Variants in DNAH8 observed in about 807,000 individuals in gnomAD.
DNAH8 encodes axonemal beta dynein heavy chain 8.
In DNAH8, 382 loss-of-function variants were observed where a neutral mutation model predicts 562.1. The ratio of observed to expected loss-of-function variants is 0.68; its 90% CI spans 0.63 to 0.74. DNAH8 has a LOEUF of 0.74. Among genes scored for constraint, DNAH8 ranks in the 30% least tolerant of loss-of-function variants. DNAH8 has a pLI of 0.00. For synonymous variants in DNAH8, 1,881 were observed against 1,919.4 expected (o/e 0.98, Z 0.52); for missense variants, 5,203 against 5,620.4 (o/e 0.93, Z 2.37).
chr6:38,882,959 T>C lies in DNAH8; in HGVS notation c.7908T>C (p.Thr2636=). The C allele has an allele frequency of 6.2e-7, 1 of 1,606,062 alleles. No individual in the cohort carries two copies. The highest frequency in any genetic ancestry group is 8.5e-7 in the Non-Finnish European group (1 of 1,177,258). The change falls in exon 54 of 93, where the codon ACT becomes ACC. Residue 2636 remains threonine (T), a synonymous_variant. Coordinates refer to ENST00000327475, the MANE Select transcript of DNAH8 (RefSeq NM_001206927.2). ...AACTTCAGCCTTATTATTATCCAAC[T>C]GACAGTATTCCGGAATATTCATCAA... The part of the protein sequence containing the change: ...NKKLQPYYYP[T]DSIPEYSSIL...
chr6:38,756,381 T>C (rs1171868828), intron 10 of DNAH8, among the ~76,000 whole-genome samples: 1 of 152,196 alleles, frequency 6.6e-6, no homozygotes, highest in Non-Finnish European at 1.5e-5. Flanking sequence ...GTGTCTACTA[T>C]TAACAGTGCT....
intron 69 of DNAH8, among the ~76,000 whole-genome samples, chr6:38,917,623 G>A (rs1290828181): frequency 6.6e-6 from 1 of 152,168 alleles, no homozygotes; most frequent in East Asian, 1.9e-4. Context: ...GGCTAGTATT[G>A]GCACAGCCTT....
intron 7 of DNAH8, 129 bp from the exon 8 acceptor site, chr6:38,741,582 T>C: frequency 2.8e-6 from 2 of 714,016 alleles, no homozygotes; most frequent in Non-Finnish European, 4.4e-6. Context: ...CTTCATTTAC[T>C]GAGAGTTTTT....
intron 59 of DNAH8, among the ~76,000 whole-genome samples, chr6:38,895,757 G>T (rs769592258): frequency 3.9e-5 from 6 of 152,196 alleles, no homozygotes; most frequent in Non-Finnish European, 2.9e-5. Context: ...GAGGACGCTC[G>T]TCCACTACCG....
chr6:38,940,153 A>C (rs1365849152), intron 79 of DNAH8, among the ~76,000 whole-genome samples: 1 of 152,192 alleles, frequency 6.6e-6, no homozygotes, highest in East Asian at 1.9e-4. Flanking sequence ...ACGTGTAAGG[A>C]TCAAAGAAAA....
At chr6:38,983,775 CTTG>C (rs1764186056) in intron 86 of DNAH8, among the ~76,000 whole-genome samples, 1 of 152,078 alleles carries the variant, frequency 6.6e-6, no homozygotes, top group South Asian at 2.1e-4. Flanking sequence ...AAATAATTTT[CTTG>C]TTGTTCTCGT....
chr6:38,807,794 A>T (rs1383216870), intron 24 of DNAH8, 78 bp downstream of exon 24: 6 of 666,288 alleles, frequency 9.0e-6, no homozygotes, highest in African/African-American at 3.8e-5. Flanking sequence ...TTTATTAATT[A>T]AAAAAACTAT....
rs534222145 is a variant in DNAH8 at position 39,030,198 on chromosome 6, A to C, written c.13930A>C (p.Thr4644Pro). The C allele has an allele frequency of 8.1e-6, 13 of 1,614,144 alleles. No homozygotes were observed. In the Middle Eastern group the frequency reaches 4.9e-4, roughly 61 times the overall value. The change falls in exon 93 of 93, where the codon ACG becomes CCG. Residue 4644 changes from threonine (T) to proline (P), a missense_variant. Coordinates refer to ENST00000327475, the MANE Select transcript of DNAH8 (RefSeq NM_001206927.2). ...LMESTPKVLF[T>P]QLPVLHIFAI... ...GGAATCCACCCCCAAGGTACTCTTC[A>C]CGCAGTTACCCGTGCTCCACATCTT...
At position 38,737,833 on chromosome 6, in the gene DNAH8, C is replaced by T; in HGVS notation, c.977C>T (p.Thr326Ile). 6.4e-7 allele frequency: 1 copy of T among 1,553,686 alleles called. No homozygotes were observed. The part of the protein sequence containing the change: ...LDGARISIEG[T>I]VKLKTIDNVN... Reference sequence around the variant, plus strand: ...GGTGCTAGAATAAGTATTGAGGGAACAGTGAAGTTAAAGACAATAGACAAT... The same window carrying T: ...GGTGCTAGAATAAGTATTGAGGGAATAGTGAAGTTAAAGACAATAGACAAT... Residue 326 changes from threonine to isoleucine, a missense_variant, in exon 7 of 93, where the codon ACA (threonine) becomes ATA (isoleucine). Thr to Ile is a moderately conservative substitution (Grantham distance 89). Coordinates refer to ENST00000327475, the MANE Select transcript of DNAH8 (RefSeq NM_001206927.2).
Position 38,723,212 on chromosome 6 carries a change from T to C in DNAH8, c.390+13T>C. 6.3e-7 allele frequency: 1 copy of C among 1,596,432 alleles called. No homozygotes were observed. The highest frequency in any genetic ancestry group is 1.1e-5 in the South Asian group (1 of 88,460). On this transcript the variant is annotated intron_variant, in intron 2 of 92. Coordinates refer to ENST00000327475, the MANE Select transcript of DNAH8 (RefSeq NM_001206927.2). ...AAAAGAGAGACAGGTTTGCTTCTAATACGATTTTTCATGTGTGCCACTTTT... is the reference window on the plus strand; with the variant it reads ...AAAAGAGAGACAGGTTTGCTTCTAACACGATTTTTCATGTGTGCCACTTTT...
At chr6:38,873,207 T>C (rs745381809) in intron 51 of DNAH8, 29 bp from the exon 52 acceptor site, 36 of 1,612,646 alleles carry the variant, frequency 2.2e-5, no homozygotes, top group Non-Finnish European at 3.0e-5. Flanking sequence ...ACTTTCTCAA[T>C]AAACACAGAT....
intron 11 of DNAH8, among the ~76,000 whole-genome samples, chr6:38,767,496 C>T (rs1230910284): frequency 1.3e-5 from 2 of 151,124 alleles, no homozygotes; most frequent in African/African-American, 2.4e-5. Flanking sequence ...CTTGTATTTA[C>T]TGTCTCTCTT....
chr6:38,741,940 A>T, intron 8 of DNAH8, 53 bp downstream of exon 8: 5 of 1,487,914 alleles, frequency 3.4e-6, no homozygotes, highest in East Asian at 4.6e-5. Context: ...GCAACTAGAA[A>T]ATTATCCTAT....
chr6:38,726,215 C>G (rs2127569399), intron 3 of DNAH8, among the ~76,000 whole-genome samples: 1 of 152,306 alleles, frequency 6.6e-6, no homozygotes, highest in Non-Finnish European at 1.5e-5. Context: ...CAACTGGAAT[C>G]CCTAGACCTT....
chr6:38,723,341 G>A lies in DNAH8; in HGVS notation c.395G>A (p.Arg132Lys). The A allele has an allele frequency of 6.2e-7, 1 of 1,601,310 alleles. No homozygotes were observed. The highest frequency in any genetic ancestry group is 1.1e-5 in the South Asian group (1 of 87,720). Residue 132 changes from arginine (R) to lysine (K), a missense_variant, in exon 3 of 93, where the codon AGA becomes AAA. Coordinates refer to ENST00000327475, the MANE Select transcript of DNAH8 (RefSeq NM_001206927.2). Reference sequence around the variant, plus strand: ...AACTTGGTTTTCATTCCTTAGGCAAGATTTAGAGAGGCAAGGGAAAGCCGA... The same window carrying A: ...AACTTGGTTTTCATTCCTTAGGCAAAATTTAGAGAGGCAAGGGAAAGCCGA... ...LQETLKERQARFREARESRRL... is the reference protein window; with the variant it reads ...LQETLKERQAKFREARESRRL...
chr6:38,852,553 A>C (rs1312227487), intron 39 of DNAH8, 141 bp from the exon 40 acceptor site: 1 of 606,732 alleles, frequency 1.6e-6, no homozygotes, highest in African/African-American at 1.9e-5. Context: ...TTAAGGGTCA[A>C]AGCAGAGTCT....
chr6:39,008,687 T>TTC, intron 88 of DNAH8, 127 bp from the exon 89 acceptor site: 1 of 525,898 alleles, frequency 1.9e-6, no homozygotes, highest in Non-Finnish European at 3.1e-6. Flanking sequence ...GTAGTTAACT[T>TTC]TTCTTCTTTT....
intron 42 of DNAH8, 62 bp from the exon 43 acceptor site, chr6:38,860,395 A>C: frequency 1.0e-6 from 1 of 979,790 alleles, no homozygotes; most frequent in Middle Eastern, 3.1e-4. Context: ...AACTGCCCAC[A>C]TGCTTATGTT....
rs1351942501 is a variant in DNAH8 at position 38,949,506 on chromosome 6, G to A, written c.12184G>A (p.Glu4062Lys). Residue 4062 changes from glutamate to lysine, a missense_variant, in exon 81 of 93, where the codon GAG becomes AAG. Coordinates refer to ENST00000327475, the MANE Select transcript of DNAH8 (RefSeq NM_001206927.2). ...KSWFDKDAPE[E>K]EIIPDGYNDS... is the part of the protein sequence containing the mutation. ...CTGGTTTGATAAAGATGCTCCAGAG[G>A]AGGAAATTATCCCTGATGGATATAA... is the stretch of plus-strand genomic sequence containing the variant. 8 of 1,613,486 alleles carry A rather than the reference G, an allele frequency of 5.0e-6. No individual in the cohort carries two copies. The highest frequency in any genetic ancestry group is 5.1e-6 in the Non-Finnish European group (6 of 1,179,650).
Sources: allele counts gnomAD v4.1 joint callset (sites outside exome capture counted in the v4.1 genomes callset), GRCh38; gene constraint gnomAD v4.1.1; transcripts MANE v1.5; gene names NCBI Gene and HGNC (gene_info 2026-07-23, HGNC 2026-07-21).